EBF1: variants seen among roughly 807,000 people sequenced by gnomAD.
EBF1 encodes the protein transcription factor COE1.
A neutral mutation model predicts 68.4 loss-of-function variants in EBF1; 10 were observed. The observed-to-expected ratio is 0.15, with a 90% confidence interval of 0.09 to 0.25. The LOEUF (loss-of-function observed/expected upper bound fraction) is 0.25. Ranked by LOEUF, EBF1 falls within the 10% of genes least tolerant of loss-of-function variation. EBF1 has a pLI of 1.00. For missense variants in EBF1, 509 were observed against 794.4 expected, an observed-to-expected ratio of 0.64 and a Z score of 4.32; for synonymous variants, 298 against 299.8, an observed-to-expected ratio of 0.99 and a Z score of 0.06.
chr5:158,774,187 C>T (rs1217767965), intron 10 of EBF1, among the ~76,000 whole-genome samples: 2 of 152,040 alleles, frequency 1.3e-5, no homozygotes, highest in African/African-American at 2.4e-5. Context: ...ATGGATTCCT[C>T]GTGCGTCTCT....
At chr5:159,015,447 C>T (rs1765451666) in intron 6 of EBF1, among the ~76,000 whole-genome samples, 1 of 152,230 alleles carries the variant, frequency 6.6e-6, no homozygotes, top group Non-Finnish European at 1.5e-5. Context: ...TGGAGCTGAT[C>T]TTGAAGCAAC....
intron 6 of EBF1, among the ~76,000 whole-genome samples, chr5:159,059,970 C>T (rs1471160471): frequency 6.6e-6 from 1 of 152,132 alleles, no homozygotes; most frequent in East Asian, 1.9e-4. Flanking sequence ...ACCTTTGAAA[C>T]AGGAAGTAAA....
chr5:158,786,207 AT>A (rs748992527), intron 9 of EBF1, among the ~76,000 whole-genome samples: 1 of 152,186 alleles, frequency 6.6e-6, no homozygotes, highest in Non-Finnish European at 1.5e-5. Context: ...ACTTCCTGGT[AT>A]CCTCATTAAG....
chr5:158,713,226 C>T (rs749844004), intron 12 of EBF1, 79 bp from the exon 13 acceptor site: 20 of 1,241,522 alleles, frequency 1.6e-5, no homozygotes, highest in Admixed American at 7.7e-5. Flanking sequence ...TGCCAGGTAC[C>T]GTGCTCAGGG....
At chr5:158,719,230 C>T (rs917920561) in intron 11 of EBF1, among the ~76,000 whole-genome samples, 2 of 151,972 alleles carry the variant, frequency 1.3e-5, no homozygotes, top group African/African-American at 4.8e-5. Context: ...TCTTTCATTC[C>T]TGCTGGCTTG....
chr5:158,940,537 TG>T (rs764929929), intron 6 of EBF1, among the ~76,000 whole-genome samples: 5 of 152,160 alleles, frequency 3.3e-5, no homozygotes, highest in Non-Finnish European at 5.9e-5. Context: ...GTGGTGAAGC[TG>T]GGATTTGAAC....
intron 6 of EBF1, among the ~76,000 whole-genome samples, chr5:158,988,274 C>A (rs892057430): frequency 6.6e-6 from 1 of 152,170 alleles, no homozygotes; most frequent in Non-Finnish European, 1.5e-5. Flanking sequence ...TCGTAAACTG[C>A]CCCTGGTCCA....
At chr5:158,709,415 C>A (rs745781879) in intron 14 of EBF1, among the ~76,000 whole-genome samples, 2 of 152,014 alleles carry the variant, frequency 1.3e-5, no homozygotes, top group Non-Finnish European at 2.9e-5. Context: ...AGCTAGAATG[C>A]GCTGAAGCAA....
intron 5 of EBF1, among the ~76,000 whole-genome samples, chr5:159,079,025 C>G (rs142395301): frequency 6.6e-6 from 1 of 152,266 alleles, no homozygotes; most frequent in East Asian, 1.9e-4. Context: ...AAACAAGATG[C>G]CTTACCTATT....
intron 6 of EBF1, among the ~76,000 whole-genome samples, chr5:158,943,063 A>C (rs1000392459): frequency 3.2e-5 from 1 of 31,146 alleles, no homozygotes; most frequent in Non-Finnish European, 5.9e-5. Flanking sequence ...GGAGGGAGGG[A>C]GGGAGGGAGG....
chr5:158,923,320 TC>T (rs1808855949), intron 6 of EBF1, among the ~76,000 whole-genome samples: 1 of 152,190 alleles, frequency 6.6e-6, no homozygotes, highest in Non-Finnish European at 1.5e-5. Flanking sequence ...AATCATCTCC[TC>T]CTCTCTCTCC....
At chr5:158,753,601 AT>A (rs909969276) in intron 10 of EBF1, among the ~76,000 whole-genome samples, 3 of 151,994 alleles carry the variant, frequency 2.0e-5, no homozygotes, top group African/African-American at 7.2e-5. Context: ...TCAACCAGAT[AT>A]TTTTTCTCCT....
intron 4 of EBF1, among the ~76,000 whole-genome samples, chr5:159,085,063 A>G (rs904210218): frequency 6.6e-6 from 1 of 152,244 alleles, no homozygotes; most frequent in African/African-American, 2.4e-5. Flanking sequence ...CAGAAGGCTT[A>G]GCAGATTGAG....
At position 158,696,648 on chromosome 5, in the gene EBF1, T is replaced by TAGTC. The variant is rs1046918474; in HGVS notation, c.*2459_*2462dup. The TAGTC allele has an allele frequency of 4.7e-6, 1 of 212,158 alleles. No individual in the cohort carries two copies. Among genetic ancestry groups the TAGTC allele is most frequent in the African/African-American group, 2.3e-5 (1 of 44,022 alleles). 13.1% of individuals were successfully genotyped at this position (212,158 alleles called of 1,614,324 possible). The stretch of plus-strand genomic sequence containing the variant: ...ATTTTCCAGTTTTTTTTATTATTAT[T>TAGTC]AGTCATCATTATTATTTCTCACCAT... On this transcript the variant is annotated 3_prime_UTR_variant, in exon 16 of 16. Transcript: ENST00000313708.
chr5:159,058,680 T>A (rs1378885994), intron 6 of EBF1, among the ~76,000 whole-genome samples: 1 of 152,190 alleles, frequency 6.6e-6, no homozygotes, highest in African/African-American at 2.4e-5. Flanking sequence ...GAACAACAGA[T>A]CAAACTAATC....
chr5:159,031,947 C>T (rs534554128), intron 6 of EBF1, among the ~76,000 whole-genome samples: 1 of 152,134 alleles, frequency 6.6e-6, no homozygotes, highest in South Asian at 2.1e-4. Context: ...ACACTCCTCC[C>T]GTCTTCGAAG....
chr5:158,806,062 A>G (rs953161116), intron 8 of EBF1, among the ~76,000 whole-genome samples: 1 of 152,088 alleles, frequency 6.6e-6, no homozygotes, highest in African/African-American at 2.4e-5. Flanking sequence ...CTCCATGTAT[A>G]TATCCCTAGA....
chr5:158,886,948 G>A (rs1240451893), intron 6 of EBF1, among the ~76,000 whole-genome samples: 1 of 152,176 alleles, frequency 6.6e-6, no homozygotes, highest in Non-Finnish European at 1.5e-5. Flanking sequence ...GTTGCAATGA[G>A]CCGAGATCGT....
intron 6 of EBF1, among the ~76,000 whole-genome samples, chr5:158,904,479 T>G (rs1258569815): frequency 6.6e-6 from 1 of 152,192 alleles, no homozygotes; most frequent in Non-Finnish European, 1.5e-5. Flanking sequence ...TACAGAGCCT[T>G]TCTGGTTTTA....
Sources: allele counts gnomAD v4.1 joint callset (sites outside exome capture counted in the v4.1 genomes callset), GRCh38; gene constraint gnomAD v4.1.1; transcripts MANE v1.5; gene names NCBI Gene and HGNC (gene_info 2026-07-23, HGNC 2026-07-21).